USP3: variants seen among roughly 807,000 people sequenced by gnomAD.
USP3 encodes the protein ubiquitin carboxyl-terminal hydrolase 3.
USP3 carries 20 observed loss-of-function variants against 72.3 expected under a neutral mutation model. The observed-to-expected ratio is 0.28, with a 90% CI of 0.19 to 0.40. USP3 has a LOEUF of 0.40. Ranked by LOEUF, USP3 falls within the 10% of genes least tolerant of loss-of-function variation. The pLI is 1.00. For missense variants in USP3, 479 were observed against 633.9 expected (o/e 0.76, Z 2.62); for synonymous variants, 222 against 225.3 (o/e 0.99, Z 0.13).
At chr15:63,565,742 TACA>T (rs966677753) in intron 8 of USP3, among the ~76,000 whole-genome samples, 2 of 152,210 alleles carry the variant, frequency 1.3e-5, no homozygotes, top group Admixed American at 6.5e-5. Flanking sequence ...CAGACCATTT[TACA>T]GTTGTATCAT....
rs1198609813 is a variant in USP3, at chr15:63,594,260, T to C, written c.*3434T>C. 14 of 152,224 alleles carry C rather than the reference T, an allele frequency of 9.2e-5. No homozygotes were observed. Among genetic ancestry groups the C allele is most frequent in the Non-Finnish European group, 2.1e-4 (14 of 68,058 alleles). The allele number at this position is 152,224 out of a possible 1,614,324, so 9.4% of individuals were successfully genotyped here. The stretch of plus-strand genomic sequence containing the variant: ...CTGTTGCTGAAGTGGCCTCTTCACC[T>C]GGGCCCTGGAAAAGCCGATGGAAAA... On this transcript the variant is annotated 3_prime_UTR_variant, in exon 15 of 15. Transcript: ENST00000380324.
chr15:63,510,549 T>C (rs1235573170), intron 1 of USP3, among the ~76,000 whole-genome samples: 3 of 152,198 alleles, frequency 2.0e-5, no homozygotes, highest in Non-Finnish European at 2.9e-5. Context: ...TTAACATATT[T>C]TGATATTTTA....
chr15:63,574,453 AG>A lies in USP3; in HGVS notation c.1096+51del. 2 of 1,377,498 alleles carry A rather than the reference AG, an allele frequency of 1.5e-6. No individual in the cohort carries two copies. Among genetic ancestry groups the A allele is most frequent in the Non-Finnish European group, 2.0e-6 (2 of 997,992 alleles). The allele number at this position is 1,377,498 out of a possible 1,614,324, so 85.3% of individuals were successfully genotyped here. On this transcript the variant is annotated intron_variant, in intron 11 of 14. Transcript: ENST00000380324. This position sits in a 1 kb window ranked among gnomAD's most constrained non-coding sequence, Gnocchi z 4.6. ...AATTTTTTTCTTTAAATAATTGAAT[AG>A]ATTGATAAGCTTCATCTATATGTGG... is the stretch of plus-strand genomic sequence containing the variant.
intron 1 of USP3, among the ~76,000 whole-genome samples, chr15:63,526,170 T>C (rs17184999): frequency 0.12 from 18,764 of 152,256 alleles, 1,585 homozygotes; most frequent in South Asian, 0.19. Flanking sequence ...TGATAACAGC[T>C]ACTTCCAGTC....
chr15:63,517,037 A>ATT (rs200401628), intron 1 of USP3, among the ~76,000 whole-genome samples: 2 of 142,474 alleles, frequency 1.4e-5, no homozygotes, highest in Non-Finnish European at 3.1e-5. Context: ...TATTTCCTTG[A>ATT]TTTTTTTTTT....
At chr15:63,569,165 C>T (rs1429802747) in intron 8 of USP3, among the ~76,000 whole-genome samples, 1 of 151,920 alleles carries the variant, frequency 6.6e-6, no homozygotes, top group Non-Finnish European at 1.5e-5. Flanking sequence ...CTAATCTTAC[C>T]TTTGAGTCAT....
intron 1 of USP3, among the ~76,000 whole-genome samples, chr15:63,510,884 CA>C (rs2065771915): frequency 6.6e-6 from 1 of 152,140 alleles, no homozygotes; most frequent in Admixed American, 6.5e-5. Context: ...AAAAGAAATT[CA>C]CCTAAAATTG....
chr15:63,547,722 TA>T (rs2066351406), intron 3 of USP3, among the ~76,000 whole-genome samples: 1 of 68,096 alleles, frequency 1.5e-5, no homozygotes, highest in Non-Finnish European at 2.9e-5. Flanking sequence ...CCTGTCTCAA[TA>T]GAGAGAGAGA....
chr15:63,577,928 CAAAAAAA>C (rs60885501), intron 11 of USP3, among the ~76,000 whole-genome samples: 4 of 122,672 alleles, frequency 3.3e-5, no homozygotes, highest in Non-Finnish European at 5.1e-5. Context: ...GACCCTGCCT[CAAAAAAA>C]AAAAAAAAAA....
chr15:63,542,054 G>C (rs2066252748), intron 3 of USP3: 1 of 985,104 alleles, frequency 1.0e-6, no homozygotes, highest in African/African-American at 1.7e-5. Context: ...CCTTGTTTCA[G>C]ATGAGTGAAG....
chr15:63,564,663 A>T (rs2066659615), intron 8 of USP3, among the ~76,000 whole-genome samples: 1 of 152,226 alleles, frequency 6.6e-6, no homozygotes, highest in Admixed American at 6.5e-5. Context: ...TGATGAAGGA[A>T]TAAGGTAACC....
chr15:63,537,040 T>C lies in USP3; in HGVS notation c.168T>C (p.His56=), dbSNP rs779130724. Residue 56 remains histidine (H), a synonymous_variant, in exon 3 of 15, where the codon CAT becomes CAC. Transcript: ENST00000380324. The stretch of plus-strand genomic sequence containing the variant: ...TTTTTGTAAGGTATGTGAATGGCCA[T>C]GCAAAAAAACATTATGAAGATGCAC... ...SVHCGRYVNG[H]AKKHYEDAQV... is the part of the protein sequence containing the mutation. 1.2e-6 allele frequency: 2 copies of C among 1,613,310 alleles called. No homozygotes were observed. The highest frequency in any genetic ancestry group is 4.5e-5 in the East Asian group (2 of 44,850).
Position 63,574,245 on chromosome 15 carries a change from T to G in USP3, c.1016-78T>G. The G allele has an allele frequency of 2.1e-6, 3 of 1,428,994 alleles. No individual in the cohort carries two copies. The highest frequency in any genetic ancestry group is 2.8e-6 in the Non-Finnish European group (3 of 1,068,914). 88.5% of individuals were successfully genotyped at this position (1,428,994 alleles called of 1,614,324 possible). A position where few individuals can be genotyped will look rare whatever the true frequency, so the allele number is the denominator to read the frequency against. On this transcript the variant is annotated intron_variant, in intron 10 of 14. Coordinates refer to ENST00000380324, the MANE Select transcript of USP3 (RefSeq NM_006537.4). This position sits in a 1 kb window ranked among gnomAD's most constrained non-coding sequence, Gnocchi z 4.6. Reference sequence around the variant, plus strand: ...ATAAGTGTAAAGAGAAATCTAGAAATACATCAGTTTGTGAAATTATTTTGA... The same window carrying G: ...ATAAGTGTAAAGAGAAATCTAGAAAGACATCAGTTTGTGAAATTATTTTGA...
chr15:63,577,101 C>G (rs977294224), intron 11 of USP3, among the ~76,000 whole-genome samples: 16 of 152,150 alleles, frequency 1.1e-4, no homozygotes, highest in African/African-American at 3.6e-4. Flanking sequence ...TTGAAATTAA[C>G]TAAAAATACG....
chr15:63,529,289 T>C lies in USP3; in HGVS notation c.92-3358T>C, dbSNP rs2152657261. 1 of 371,014 alleles carries C rather than the reference T, an allele frequency of 2.7e-6. No individual in the cohort carries two copies. Among genetic ancestry groups the C allele is most frequent in the Non-Finnish European group, 5.2e-6 (1 of 193,900 alleles). The allele number at this position is 371,014 out of a possible 1,614,324, so 23.0% of individuals were successfully genotyped here. A position where few individuals can be genotyped will look rare whatever the true frequency, so the allele number is the denominator to read the frequency against. ...TATTCCCTTTTACTTTCTCTCCTTA[T>C]CATTACGTATCTGTCTGTCTAATTG... On this transcript the variant is annotated intron_variant, in intron 1 of 14. Transcript: ENST00000380324. This position sits in a 1 kb window ranked among gnomAD's most constrained non-coding sequence, Gnocchi z 4.2.
rs2066285174 is a variant in USP3, at chr15:63,544,100, C to T, written c.284+6944C>T. 6.7e-6 allele frequency: 1 copy of T among 149,924 alleles called. No homozygotes were observed. Among genetic ancestry groups the T allele is most frequent in the Admixed American group, 6.6e-5 (1 of 15,038 alleles). 9.3% of individuals were successfully genotyped at this position (149,924 alleles called of 1,614,324 possible). Reference sequence around the variant, plus strand: ...AATAGTATGAAGATATTGTGAATAGCAAGACATTTAATATAGTTTATTTCA... The same window carrying T: ...AATAGTATGAAGATATTGTGAATAGTAAGACATTTAATATAGTTTATTTCA... On this transcript the variant is annotated intron_variant, in intron 3 of 14. Coordinates refer to ENST00000380324, the MANE Select transcript of USP3 (RefSeq NM_006537.4). This position sits in a 1 kb window ranked among gnomAD's most constrained non-coding sequence, Gnocchi z 4.2.
chr15:63,513,537 G>A (rs1350825285), intron 1 of USP3, among the ~76,000 whole-genome samples: 1 of 151,940 alleles, frequency 6.6e-6, no homozygotes, highest in Non-Finnish European at 1.5e-5. Flanking sequence ...GTGCCACCAC[G>A]CTCAGCTAAT....
intron 2 of USP3, among the ~76,000 whole-genome samples, chr15:63,535,059 G>T (rs1454746285): frequency 6.6e-6 from 1 of 152,058 alleles, no homozygotes; most frequent in Non-Finnish European, 1.5e-5. Flanking sequence ...AGCCTCCCAA[G>T]TAGTGGGATT....
chr15:63,505,733 C>G (rs1254133415), intron 1 of USP3, among the ~76,000 whole-genome samples: 3 of 152,170 alleles, frequency 2.0e-5, no homozygotes. Flanking sequence ...TTGCTTACTT[C>G]CTGGTAGGGC....
Sources: gnomAD v4.1 joint callset for allele counts (sites outside exome capture counted in the v4.1 genomes callset) on GRCh38, gnomAD v4.1.1 for gene constraint, Gnocchi (gnomAD v3.1) non-coding constraint, MANE v1.5 for transcripts, NCBI Gene and HGNC (gene_info 2026-07-23, HGNC 2026-07-21) for gene names.